The following GULP1 variants were observed in gnomAD, a reference collection of about 807,000 sequenced individuals.
GULP1 encodes GULP PTB domain containing engulfment adaptor 1.
Under a neutral mutation model 40.9 loss-of-function variants are expected in GULP1, and 19 were observed. The ratio of observed to expected loss-of-function variants is 0.46; its 90% confidence interval spans 0.32 to 0.68. The LOEUF is 0.68. Ranked by LOEUF, GULP1 falls within the 30% of genes least tolerant of loss-of-function variation. The pLI, the probability that GULP1 is intolerant of heterozygous loss-of-function variation, is 0.03. For missense variants in GULP1, 312 were observed against 362.2 expected (o/e 0.86, Z 1.12); for synonymous variants, 119 against 117.6 (o/e 1.01, Z -0.08).
At chr2:188,484,777 G>A (rs2061722623) in intron 4 of GULP1, among the ~76,000 whole-genome samples, 1 of 152,178 alleles carries the variant, frequency 6.6e-6, no homozygotes. Context: ...TTGTTCAGCA[G>A]CGAAATTTGG....
At chr2:188,402,620 A>G (rs1351074240) in intron 2 of GULP1, among the ~76,000 whole-genome samples, 5 of 152,018 alleles carry the variant, frequency 3.3e-5, no homozygotes, top group Non-Finnish European at 7.4e-5. Context: ...TAATTAGACT[A>G]TGCTGGGAAT....
At chr2:188,389,352 A>G (rs1043817162) in intron 2 of GULP1, among the ~76,000 whole-genome samples, 12 of 152,216 alleles carry the variant, frequency 7.9e-5, no homozygotes, top group Non-Finnish European at 1.2e-4. Flanking sequence ...AATTATTTCC[A>G]TCCTTTAAAA....
chr2:188,589,104 A>G (rs1442828381), intron 11 of GULP1: 1 of 152,188 alleles, frequency 6.6e-6, no homozygotes, highest in African/African-American at 2.4e-5. Flanking sequence ...CAATTTTTAA[A>G]TATTGACAAA....
At chr2:188,352,601 TTCTCTC>T (rs144329147) in intron 1 of GULP1, among the ~76,000 whole-genome samples, 5 of 109,342 alleles carry the variant, frequency 4.6e-5, no homozygotes, top group Non-Finnish European at 7.9e-5. Context: ...CTTGCTCTCT[TTCTCTC>T]TCTCTCTCTC....
intron 2 of GULP1, among the ~76,000 whole-genome samples, chr2:188,418,200 CATT>C (rs1421962217): frequency 1.3e-5 from 2 of 152,082 alleles, no homozygotes; most frequent in Non-Finnish European, 2.9e-5. Context: ...TAGAGAAACA[CATT>C]ATTTCACTGG....
chr2:188,591,013 G>A (rs1703445854), intron 11 of GULP1: 1 of 151,808 alleles, frequency 6.6e-6, no homozygotes, highest in Non-Finnish European at 1.5e-5. Context: ...GAAAAATACG[G>A]ACATATAGTA....
intron 4 of GULP1, chr2:188,491,399 G>T (rs1388164197): frequency 2.0e-5 from 3 of 152,026 alleles, no homozygotes; most frequent in African/African-American, 7.2e-5. Context: ...AAACAGGTGA[G>T]CATGTTTTTT....
intron 7 of GULP1, among the ~76,000 whole-genome samples, chr2:188,546,233 C>T (rs1691928277): frequency 6.6e-6 from 1 of 151,892 alleles, no homozygotes; most frequent in Non-Finnish European, 1.5e-5. Context: ...ATCTAATGAG[C>T]AGTTACAGAG....
At chr2:188,318,845 A>C (rs2039534064) in intron 1 of GULP1, among the ~76,000 whole-genome samples, 2 of 152,132 alleles carry the variant, frequency 1.3e-5, no homozygotes, top group East Asian at 3.9e-4. Context: ...TGTGCTCTGC[A>C]AGGAGCAGTG....
At chr2:188,313,673 G>A (rs924804853) in intron 1 of GULP1, among the ~76,000 whole-genome samples, 2 of 152,112 alleles carry the variant, frequency 1.3e-5, no homozygotes, top group African/African-American at 4.8e-5. Context: ...AGTTTGATGG[G>A]AATGTCATTG....
At position 188,541,163 on chromosome 2, in the gene GULP1, T is replaced by C. The variant is rs1267560445; in HGVS notation, c.262-18T>C. 6.2e-7 allele frequency: 1 copy of C among 1,606,940 alleles called. No individual in the cohort carries two copies. Reference sequence around the variant, plus strand: ...AAAGAATCCCATCAACTATGTTTATTTCCATCTGTGTTCACAGGAAGTTCA... The same window carrying C: ...AAAGAATCCCATCAACTATGTTTATCTCCATCTGTGTTCACAGGAAGTTCA... On this transcript the variant is annotated intron_variant, in intron 6 of 11. Coordinates refer to ENST00000409830, the MANE Select transcript of GULP1 (RefSeq NM_016315.4).
chr2:188,470,613 C>G (rs954890174), intron 2 of GULP1, among the ~76,000 whole-genome samples: 3 of 152,052 alleles, frequency 2.0e-5, no homozygotes, highest in African/African-American at 7.2e-5. Flanking sequence ...TACTGAGTTT[C>G]CATTGTCATT....
intron 5 of GULP1, among the ~76,000 whole-genome samples, chr2:188,527,131 T>A (rs994234144): frequency 2.0e-5 from 3 of 152,202 alleles, no homozygotes; most frequent in Admixed American, 1.3e-4. Flanking sequence ...CCTTCCTTTC[T>A]TTAATTCTTC....
chr2:188,492,650 A>T (rs985497426), intron 4 of GULP1, among the ~76,000 whole-genome samples: 14 of 119,714 alleles, frequency 1.2e-4, no homozygotes, highest in South Asian at 4.8e-4. Flanking sequence ...AATTAACTTT[A>T]AAAAAAAAGA....
chr2:188,332,224 C>G (rs1390361862), intron 1 of GULP1, among the ~76,000 whole-genome samples: 2 of 118,986 alleles, frequency 1.7e-5, no homozygotes, highest in Admixed American at 1.1e-4. Flanking sequence ...CAGTTTTGCT[C>G]TGTCATCCAG....
chr2:188,332,314 C>T (rs1216650787), intron 1 of GULP1, among the ~76,000 whole-genome samples: 3 of 151,872 alleles, frequency 2.0e-5, no homozygotes, highest in Non-Finnish European at 2.9e-5. Context: ...CTCAGCCTCC[C>T]GAGTAGCTGG....
At chr2:188,333,173 A>G (rs536529081) in intron 1 of GULP1, among the ~76,000 whole-genome samples, 6 of 151,822 alleles carry the variant, frequency 4.0e-5, no homozygotes, top group Non-Finnish European at 8.8e-5. Flanking sequence ...TGAACCCAGG[A>G]GACTGAGGCT....
chr2:188,304,857 C>CGT (rs1321667860), intron 1 of GULP1, among the ~76,000 whole-genome samples: 1 of 152,160 alleles, frequency 6.6e-6, no homozygotes, highest in Non-Finnish European at 1.5e-5. Context: ...CCTCTGCTCT[C>CGT]ATACAACAAC....
chr2:188,477,522 C>G, intron 2 of GULP1, 137 bp from the exon 3 acceptor site: 1 of 515,824 alleles, frequency 1.9e-6, no homozygotes, highest in Non-Finnish European at 3.4e-6. Context: ...TACCCAATGT[C>G]CTTTGAGGCA....
Sources: gnomAD v4.1 joint callset for allele counts (sites outside exome capture counted in the v4.1 genomes callset) on GRCh38, gnomAD v4.1.1 for gene constraint, MANE v1.5 for transcripts, NCBI Gene and HGNC (gene_info 2026-07-23, HGNC 2026-07-21) for gene names.